PSG1: variants seen among roughly 807,000 people sequenced by gnomAD.
PSG1 encodes the protein pregnancy specific beta-1-glycoprotein 1.
A neutral mutation model predicts 41.4 loss-of-function variants in PSG1; 60 were observed. The observed-to-expected ratio is 1.45, with a 90% CI of 1.18 to 1.80. PSG1 has a LOEUF of 1.80. Among genes scored for constraint, PSG1 ranks in the 40% most tolerant of loss-of-function variants. The pLI is 0.00. For missense variants in PSG1, 806 were observed against 516.9 expected (o/e 1.56, Z -5.42); for synonymous variants, 256 against 192.9 (o/e 1.33, Z -2.71).
In PSG1 at chr19:42,872,065, A is replaced by G. The variant is rs764048266; in HGVS notation, c.431-20T>C. 13 of 1,600,224 alleles carry G rather than the reference A, an allele frequency of 8.1e-6. 1 individual carries two copies. The highest frequency in any genetic ancestry group is 1.1e-5 in the Non-Finnish European group (13 of 1,172,658). ...TCTCCACTGTGCAGAAAACAGGGTG[A>G]AGATTGCCGTGTGTGGCGCCTTTGA... On this transcript the variant is annotated intron_variant, in intron 2 of 5. Transcript: ENST00000436291.
At chr19:42,873,860 G>A (rs1428219543) in intron 2 of PSG1, among the ~76,000 whole-genome samples, 1 of 150,552 alleles carries the variant, frequency 6.6e-6, no homozygotes, top group Non-Finnish European at 1.5e-5. Flanking sequence ...CCTCAAAACA[G>A]GTATGTGAAA....
rs775289302 is a variant in PSG1, at chr19:42,869,070, G to A, written c.710-36C>T. 1.8e-5 allele frequency: 29 copies of A among 1,596,000 alleles called. 1 individual carries two copies. Among genetic ancestry groups the A allele is most frequent in the Admixed American group, 6.8e-5 (4 of 58,916 alleles). ...AACAGAGAGAAGATTGTCCTGTGTG[G>A]CACCTTTGATTCCTCCACAGGTATC... On this transcript the variant is annotated intron_variant, in intron 3 of 5. Transcript: ENST00000436291.
At chr19:42,879,085 C>T (rs1971750397) in intron 1 of PSG1, among the ~76,000 whole-genome samples, 1 of 151,608 alleles carries the variant, frequency 6.6e-6, no homozygotes, top group Admixed American at 6.6e-5. Flanking sequence ...CCTGTTTTGA[C>T]CCCTGTCCCT....
intron 3 of PSG1, among the ~76,000 whole-genome samples, 164 bp downstream of exon 3, chr19:42,871,603 G>T (rs1971386504): frequency 6.6e-6 from 1 of 151,566 alleles, no homozygotes; most frequent in African/African-American, 2.4e-5. Context: ...TGTTGATGAA[G>T]CCTAGGTCTA....
intron 2 of PSG1, among the ~76,000 whole-genome samples, 184 bp from the exon 3 acceptor site, chr19:42,872,229 C>G (rs1038644575): frequency 6.6e-6 from 1 of 151,638 alleles, no homozygotes; most frequent in Non-Finnish European, 1.5e-5. Context: ...GTGAGGCTGC[C>G]TGCTTCATGT....
chr19:42,877,671 G>C lies in PSG1; in HGVS notation c.430+242C>G, dbSNP rs527732888. Among the ~76,000 whole-genome samples the C allele has an allele frequency of 2.2e-3, 333 of 151,822 alleles. 5 individuals carry two copies. The highest frequency in any genetic ancestry group is 7.8e-3 in the African/African-American group (325 of 41,410). ...GCTGAGACTGATCTCCTCCTGCTGA[G>C]TCCCCCCATCAGACTGTCCTTCCTC... On this transcript the variant is annotated intron_variant, in intron 2 of 5. Coordinates refer to ENST00000436291, the MANE Select transcript of PSG1 (RefSeq NM_001184825.2).
intron 2 of PSG1, among the ~76,000 whole-genome samples, chr19:42,876,048 G>A (rs957718042): frequency 1.3e-5 from 2 of 151,432 alleles, no homozygotes; most frequent in East Asian, 1.9e-4. Flanking sequence ...TGATTTCTGT[G>A]CCTTTCCTCT....
chr19:42,879,143 TTTTTTTC>T (rs995087917), intron 1 of PSG1, among the ~76,000 whole-genome samples: 5 of 138,866 alleles, frequency 3.6e-5, no homozygotes, highest in Admixed American at 7.4e-5. Context: ...CCTTCTTTCC[TTTTTTTC>T]TTTTTTCTTT....
intron 5 of PSG1, 174 bp from the exon 6 acceptor site, chr19:42,867,324 T>C (rs1136441): frequency 3.8e-5 from 24 of 638,694 alleles, no homozygotes; most frequent in African/African-American, 1.3e-4. Context: ...TTTCTTCAAA[T>C]GTGGTCTGAT....
In PSG1 at chr19:42,871,881, T is replaced by A; in HGVS notation, c.595A>T (p.Asn199Tyr). Residue 199 changes from asparagine (N) to tyrosine (Y), a missense_variant, in exon 3 of 6, where the codon AAC (asparagine) becomes TAC (tyrosine). By Grantham distance (143) the Asn-to-Tyr change is moderately radical (BLOSUM62 -2). Coordinates refer to ENST00000436291, the MANE Select transcript of PSG1 (RefSeq NM_001184825.2). ...ACACCCAATAGAAAGAGGGTCCTGT[T>A]GGTTTCGGACAGCTTCAAGCTGTGA... ...MTHSLKLSET[N>Y]RTLFLLGVTK... 4 of 1,612,456 alleles carry A rather than the reference T, an allele frequency of 2.5e-6. No individual in the cohort carries two copies. Among genetic ancestry groups the A allele is most frequent in the Non-Finnish European group, 3.4e-6 (4 of 1,179,210 alleles).
chr19:42,871,054 G>A (rs1489412429), intron 3 of PSG1, among the ~76,000 whole-genome samples: 2 of 151,538 alleles, frequency 1.3e-5, no homozygotes, highest in Admixed American at 6.6e-5. Flanking sequence ...TTCCCTGATA[G>A]CTAGATAGAC....
intron 2 of PSG1, among the ~76,000 whole-genome samples, chr19:42,873,816 A>G (rs901557914): frequency 6.6e-5 from 10 of 151,672 alleles, no homozygotes; most frequent in Non-Finnish European, 1.0e-4. Context: ...CCCTGCTTCT[A>G]AATTCTGTGC....
rs707744 is a variant in PSG1 at position 42,878,222 on chromosome 19, C to G, written c.121G>C (p.Glu41Gln). Reference sequence around the variant, plus strand: ...TTCCCCTCGGAAACTTTGGTTGGCTCGGCTTCAATCGTGACTTGGGCAGTG... The same window carrying G: ...TTCCCCTCGGAAACTTTGGTTGGCTGGGCTTCAATCGTGACTTGGGCAGTG... ...PTTAQVTIEAEPTKVSEGKDV... is the reference protein window; with the variant it reads ...PTTAQVTIEAQPTKVSEGKDV... Residue 41 changes from glutamate to glutamine, a missense_variant, in exon 2 of 6, where the codon GAG (glutamate) becomes CAG (glutamine). By Grantham distance (29) the Glu-to-Gln change is conservative (BLOSUM62 2). Coordinates refer to ENST00000436291, the MANE Select transcript of PSG1 (RefSeq NM_001184825.2). The G allele has an allele frequency of 0.29, 470,012 of 1,604,546 alleles. 80,326 individuals carry two copies. The highest frequency in any genetic ancestry group is 0.52 in the African/African-American group (38,177 of 73,898).
At chr19:42,875,876 A>T (rs1203113988) in intron 2 of PSG1, among the ~76,000 whole-genome samples, 3 of 136,682 alleles carry the variant, frequency 2.2e-5, no homozygotes, top group African/African-American at 8.3e-5. Context: ...GGCAATTATG[A>T]GAGTGGATGG....
intron 2 of PSG1, among the ~76,000 whole-genome samples, chr19:42,873,184 T>C (rs1368433859): frequency 6.6e-6 from 1 of 151,726 alleles, no homozygotes; most frequent in Non-Finnish European, 1.5e-5. Flanking sequence ...CTATACTTCA[T>C]ACAGATAAAG....
rs780589476 is a variant in PSG1 at position 42,866,975 on chromosome 19, T to C, written c.*159A>G. 5 of 760,962 alleles carry C rather than the reference T, an allele frequency of 6.6e-6. No individual in the cohort carries two copies. The Admixed American group carries it at 8.6e-5, about 13-fold the overall frequency. 47.1% of individuals were successfully genotyped at this position (760,962 alleles called of 1,614,324 possible). ...CATCTGTTGTTATGGTGTCGAATAT[T>C]TTGGTGAGTTCTGAGTGGCTCATGC... On this transcript the variant is annotated 3_prime_UTR_variant, in exon 6 of 6. Coordinates refer to ENST00000436291, the MANE Select transcript of PSG1 (RefSeq NM_001184825.2).
Position 42,878,071 on chromosome 19 carries a change from T to C in PSG1, c.272A>G (p.Tyr91Cys), listed in dbSNP as rs2122562636. The C allele has an allele frequency of 1.2e-6, 2 of 1,612,300 alleles. No homozygotes were observed. The highest frequency in any genetic ancestry group is 1.7e-4 in the Middle Eastern group (1 of 6,056). ...SYVVDGEIIIYGPAYSGRETA... is the reference protein window; with the variant it reads ...SYVVDGEIIICGPAYSGRETA... Reference sequence around the variant, plus strand: ...TTCTCGTCCACTATATGCAGGCCCATATATAATTATTTCACCGTCTACTAC... The same window carrying C: ...TTCTCGTCCACTATATGCAGGCCCACATATAATTATTTCACCGTCTACTAC... The change falls in exon 2 of 6, where the codon TAT becomes TGT. Residue 91 changes from tyrosine to cysteine, a missense_variant. Tyr to Cys is a radical substitution (Grantham distance 194). Transcript: ENST00000436291.
intron 2 of PSG1, among the ~76,000 whole-genome samples, chr19:42,874,510 C>T (rs192796259): frequency 2.0e-5 from 3 of 151,684 alleles, no homozygotes; most frequent in African/African-American, 7.3e-5. Flanking sequence ...CCATGCCTGG[C>T]TAATTTTTTG....
intron 3 of PSG1, chr19:42,870,173 A>G (rs1039216634): frequency 4.0e-5 from 6 of 151,844 alleles, no homozygotes; most frequent in Non-Finnish European, 2.9e-5. Context: ...CTTGATGCCT[A>G]TAGTTCACAC....
Sources: allele counts gnomAD v4.1 joint callset (sites outside exome capture counted in the v4.1 genomes callset), GRCh38; gene constraint gnomAD v4.1.1; transcripts MANE v1.5; gene names NCBI Gene and HGNC (gene_info 2026-07-23, HGNC 2026-07-21).